Variants in RARS2 observed in about 807,000 individuals in gnomAD.
RARS2 encodes arginyl-tRNA synthetase 2, mitochondrial, also known as probable arginine--tRNA ligase, mitochondrial.
A neutral mutation model predicts 88.5 loss-of-function variants in RARS2; 67 were observed. The ratio of observed to expected loss-of-function variants is 0.76; its 90% CI spans 0.62 to 0.93. RARS2 has a LOEUF of 0.93. Ranked by LOEUF, RARS2 falls within the 40% of genes least tolerant of loss-of-function variation. The probability of loss-of-function intolerance (pLI) is 0.00; values close to 1 mark genes in which losing one functional copy is unlikely to be tolerated. For missense variants in RARS2, 664 were observed against 684.2 expected (o/e 0.97, Z 0.33); for synonymous variants, 239 against 230.3 (o/e 1.04, Z -0.34).
chr6:87,561,757 T>C (rs2128166551), intron 4 of RARS2, among the ~76,000 whole-genome samples: 1 of 152,284 alleles, frequency 6.6e-6, no homozygotes, highest in East Asian at 1.9e-4. Flanking sequence ...TTATTCAAAT[T>C]CTCACTAAGA....
Position 87,555,485 on chromosome 6 carries a change from A to T in RARS2, c.318T>A (p.Ile106=), listed in dbSNP as rs758445993. The T allele has an allele frequency of 1.3e-5, 21 of 1,613,324 alleles. No individual in the cohort carries two copies. In the Admixed American group the frequency reaches 3.3e-4, roughly 26 times the overall value. ...TTAATCCATATTTTGAGCCATCTTC[A>T]ATTACTTGTTGTAGCACTGTCTGAA... ...LLTKTVLQQV[I]EDGSKYGLKS... Residue 106 remains isoleucine, a synonymous_variant, in exon 5 of 20, where the codon ATT becomes ATA. Transcript: ENST00000369536.
chr6:87,531,486 G>C (rs1194816468), intron 8 of RARS2, among the ~76,000 whole-genome samples: 1 of 152,204 alleles, frequency 6.6e-6, no homozygotes, highest in African/African-American at 2.4e-5. Flanking sequence ...TTTTAAAACT[G>C]TTCTCTAAAT....
intron 7 of RARS2, among the ~76,000 whole-genome samples, chr6:87,544,441 CACACAAATAAGA>C (rs1781972774): frequency 6.6e-6 from 1 of 152,142 alleles, no homozygotes; most frequent in East Asian, 1.9e-4. Context: ...GGCAGGGAAG[CACACAAATAAGA>C]ACATAAGACA....
In RARS2 at chr6:87,564,157, T is replaced by C. The variant is rs1262465390; in HGVS notation, c.186A>G (p.Gln62=). 1.2e-6 allele frequency: 2 copies of C among 1,612,768 alleles called. No homozygotes were observed. Among genetic ancestry groups the C allele is most frequent in the Non-Finnish European group, 1.7e-6 (2 of 1,178,886 alleles). The stretch of plus-strand genomic sequence containing the variant: ...TCTCTGCTAGTCTCTTGGCTTGAAC[T>C]TGAATATCTGGTCTTGAATGGTCAT... The part of the protein sequence containing the change: ...KDNDHSRPDI[Q]VQAKRLAEKL... The change falls in exon 3 of 20, where the codon CAA becomes CAG. Residue 62 remains glutamine (Q), a synonymous_variant. Transcript: ENST00000369536.
intron 5 of RARS2, among the ~76,000 whole-genome samples, chr6:87,553,298 A>G (rs967168971): frequency 3.3e-5 from 5 of 152,194 alleles, no homozygotes; most frequent in African/African-American, 4.8e-5. Context: ...CCGCAGTTAC[A>G]TAAGTGACCT....
chr6:87,560,297 TG>T (rs1455799589), intron 4 of RARS2, among the ~76,000 whole-genome samples: 1 of 152,234 alleles, frequency 6.6e-6, no homozygotes, highest in Non-Finnish European at 1.5e-5. Flanking sequence ...TTAAAAAGCG[TG>T]AAATAAAATG....
intron 4 of RARS2, among the ~76,000 whole-genome samples, chr6:87,559,509 G>A (rs1787177549): frequency 6.8e-6 from 1 of 148,134 alleles, no homozygotes; most frequent in Non-Finnish European, 1.5e-5. Flanking sequence ...GTCTTGCTGT[G>A]TCACCCAGGC....
At chr6:87,579,653 TAA>T (rs71018100) in intron 1 of RARS2, among the ~76,000 whole-genome samples, 2 of 77,684 alleles carry the variant, frequency 2.6e-5, no homozygotes, top group African/African-American at 5.0e-5. Flanking sequence ...GGGTGCAGCA[TAA>T]AAAAAAAAGA....
At chr6:87,531,133 G>A (rs1777407161) in intron 8 of RARS2, among the ~76,000 whole-genome samples, 191 bp from the exon 9 acceptor site, 2 of 151,948 alleles carry the variant, frequency 1.3e-5, no homozygotes, top group Non-Finnish European at 2.9e-5. Flanking sequence ...TTCTCAAAAT[G>A]TTTCTAAATT....
intron 6 of RARS2, 60 bp from the exon 7 acceptor site, chr6:87,545,759 C>A: frequency 6.4e-7 from 1 of 1,556,204 alleles, no homozygotes; most frequent in South Asian, 1.2e-5. Context: ...GACATAAGAA[C>A]CATGTACTTC....
chr6:87,573,171 G>A (rs1274017163), intron 1 of RARS2, among the ~76,000 whole-genome samples: 1 of 152,120 alleles, frequency 6.6e-6, no homozygotes, highest in Non-Finnish European at 1.5e-5. Context: ...GCACGTATGG[G>A]GAGGCCTCAG....
chr6:87,562,434 T>C lies in RARS2; in HGVS notation c.297+268A>G, dbSNP rs554737651. On this transcript the variant is annotated intron_variant, in intron 4 of 19. Transcript: ENST00000369536. ...ATGGGACCATCATCTATACACGTTGTGTATGAAATGTCATTATGTGGTATA... is the reference window on the plus strand; with the variant it reads ...ATGGGACCATCATCTATACACGTTGCGTATGAAATGTCATTATGTGGTATA... 2.0e-5 allele frequency among the ~76,000 whole-genome samples: 3 copies of C among 152,342 alleles called. No individual in the cohort carries two copies. In the East Asian group the frequency reaches 5.8e-4, roughly 29 times the overall value.
At chr6:87,563,976 T>C (rs1001813571) in intron 3 of RARS2, among the ~76,000 whole-genome samples, 154 bp downstream of exon 3, 1 of 152,210 alleles carries the variant, frequency 6.6e-6, no homozygotes, top group African/African-American at 2.4e-5. Context: ...TATAACCTTA[T>C]AGTACATGGC....
At chr6:87,578,452 G>A (rs956429536) in intron 1 of RARS2, among the ~76,000 whole-genome samples, 2 of 152,114 alleles carry the variant, frequency 1.3e-5, no homozygotes, top group Non-Finnish European at 2.9e-5. Flanking sequence ...TATTTAAAAT[G>A]AGCAGGCATT....
In RARS2 at chr6:87,562,692, T is replaced by C; in HGVS notation, c.297+10A>G. The C allele has an allele frequency of 1.3e-6, 2 of 1,585,106 alleles. No homozygotes were observed. Among genetic ancestry groups the C allele is most frequent in the Non-Finnish European group, 1.7e-6 (2 of 1,153,648 alleles). On this transcript the variant is annotated intron_variant, in intron 4 of 19. Transcript: ENST00000369536. ...GAAAGCACAATGGCTGGATATTAAC[T>C]TATTCTTACCTTTGTTAAGAGCTCT...
intron 2 of RARS2, chr6:87,564,595 G>A (rs1196918143): frequency 1.3e-5 from 5 of 377,940 alleles, no homozygotes; most frequent in African/African-American, 6.3e-5. Context: ...CTTGAATCCT[G>A]GAGGTGGAGA....
chr6:87,525,507 C>T (rs1344672203), intron 10 of RARS2, among the ~76,000 whole-genome samples: 2 of 150,712 alleles, frequency 1.3e-5, no homozygotes, highest in Non-Finnish European at 3.0e-5. Context: ...CATAAAGTTG[C>T]AGTATAGAAA....
intron 8 of RARS2, 126 bp from the exon 9 acceptor site, chr6:87,531,068 C>T: frequency 6.9e-7 from 1 of 1,450,034 alleles, no homozygotes; most frequent in Non-Finnish European, 9.3e-7. Flanking sequence ...GGGTACATTA[C>T]AGAGTGTAAC....
intron 11 of RARS2, 68 bp from the exon 12 acceptor site, chr6:87,521,592 T>G: frequency 8.3e-7 from 1 of 1,199,682 alleles, no homozygotes; most frequent in South Asian, 1.2e-5. Context: ...CTTACCTATT[T>G]AATAGCAATG....
Sources: allele counts gnomAD v4.1 joint callset (sites outside exome capture counted in the v4.1 genomes callset), GRCh38; gene constraint gnomAD v4.1.1; transcripts MANE v1.5; gene names NCBI Gene and HGNC (gene_info 2026-07-23, HGNC 2026-07-21).